The following SYT1 variants were observed in gnomAD, a reference collection of about 807,000 sequenced individuals.
The protein encoded by SYT1 is synaptotagmin-1.
Under a neutral mutation model 44.8 loss-of-function variants are expected in SYT1, and 8 were observed. That is an observed-to-expected ratio of 0.18 (90% CI 0.10 to 0.32). The LOEUF (loss-of-function observed/expected upper bound fraction) is 0.32. Ranked by LOEUF, SYT1 falls within the 10% of genes least tolerant of loss-of-function variation. The probability of loss-of-function intolerance (pLI) is 1.00; values close to 1 mark genes in which losing one functional copy is unlikely to be tolerated. For missense variants in SYT1, 286 were observed against 509.3 expected (o/e 0.56, Z 4.22); for synonymous variants, 154 against 188.8 (o/e 0.82, Z 1.51).
chr12:79,364,736 C>A (rs980111112), intron 9 of SYT1, among the ~76,000 whole-genome samples: 1 of 152,118 alleles, frequency 6.6e-6, no homozygotes, highest in African/African-American at 2.4e-5. Flanking sequence ...TTTCAGTCAA[C>A]AATATGACAG....
At position 79,014,774 on chromosome 12, in the gene SYT1, C is replaced by A. The variant is rs889253847; in HGVS notation, c.-83-32523C>A. ...GACACATGCACACGTATGTTTATTGCGGCACTATTCACAATAGCAAAGACT... is the reference window on the plus strand; with the variant it reads ...GACACATGCACACGTATGTTTATTGAGGCACTATTCACAATAGCAAAGACT... On this transcript the variant is annotated intron_variant, in intron 2 of 10. Transcript: ENST00000261205. Among the ~76,000 whole-genome samples the A allele has an allele frequency of 5.9e-5, 9 of 151,862 alleles. No homozygotes were observed. In the East Asian group the frequency reaches 9.6e-4, roughly 16 times the overall value.
intron 1 of SYT1, among the ~76,000 whole-genome samples, chr12:78,934,104 A>G (rs956374217): frequency 1.1e-4 from 16 of 151,804 alleles, no homozygotes; most frequent in Admixed American, 2.6e-4. Flanking sequence ...ACATATATAT[A>G]TGTGTGTATA....
chr12:78,980,786 C>T (rs903879260), intron 2 of SYT1, among the ~76,000 whole-genome samples: 4 of 151,940 alleles, frequency 2.6e-5, no homozygotes, highest in African/African-American at 9.7e-5. Flanking sequence ...TATATATTTA[C>T]TTTGAATATA....
At chr12:79,194,975 C>T (rs985947245) in intron 3 of SYT1, among the ~76,000 whole-genome samples, 1 of 152,114 alleles carries the variant, frequency 6.6e-6, no homozygotes, top group Admixed American at 6.6e-5. Flanking sequence ...AGCTATTTTG[C>T]TAAACTTTAA....
intron 9 of SYT1, among the ~76,000 whole-genome samples, chr12:79,433,992 C>T (rs1869944497): frequency 6.6e-6 from 1 of 152,182 alleles, no homozygotes; most frequent in South Asian, 2.1e-4. Context: ...AGTCAAGAAG[C>T]TGGCAGTCAC....
At chr12:79,249,534 A>G (rs996098898) in intron 4 of SYT1, among the ~76,000 whole-genome samples, 7 of 152,150 alleles carry the variant, frequency 4.6e-5, no homozygotes, top group Non-Finnish European at 7.4e-5. Flanking sequence ...TAGCAGCCCA[A>G]TCAGGTAGTT....
chr12:79,002,125 A>T (rs1870778346), intron 2 of SYT1, among the ~76,000 whole-genome samples: 1 of 152,112 alleles, frequency 6.6e-6, no homozygotes, highest in Admixed American at 6.6e-5. Context: ...ATAAAAATAT[A>T]ATGTTTGTTT....
intron 4 of SYT1, among the ~76,000 whole-genome samples, chr12:79,228,801 A>C (rs1230309644): frequency 6.6e-6 from 1 of 152,058 alleles, no homozygotes; most frequent in Non-Finnish European, 1.5e-5. Context: ...ACTTCACTAC[A>C]CCACTGTCTC....
intron 4 of SYT1, among the ~76,000 whole-genome samples, chr12:79,221,204 T>C (rs1370336208): frequency 6.6e-6 from 1 of 152,180 alleles, no homozygotes; most frequent in Non-Finnish European, 1.5e-5. Context: ...TTGCAACTTT[T>C]GCTTTTATTT....
chr12:78,896,301 A>C (rs1875352778), intron 1 of SYT1, among the ~76,000 whole-genome samples: 1 of 151,806 alleles, frequency 6.6e-6, no homozygotes, highest in Non-Finnish European at 1.5e-5. Flanking sequence ...TCACAAGAAA[A>C]ACACACTGAA....
intron 2 of SYT1, among the ~76,000 whole-genome samples, chr12:79,010,238 A>AT (rs1396611622): frequency 1.3e-5 from 2 of 152,076 alleles, no homozygotes; most frequent in South Asian, 2.1e-4. Flanking sequence ...AAATTGAATG[A>AT]TTTTTTTTCC....
At chr12:79,100,117 C>T (rs898161250) in intron 3 of SYT1, among the ~76,000 whole-genome samples, 7 of 151,922 alleles carry the variant, frequency 4.6e-5, no homozygotes, top group African/African-American at 1.2e-4. Context: ...ATAATAATAA[C>T]GAACATTTGG....
At chr12:79,414,833 GT>G (rs1469722035) in intron 9 of SYT1, among the ~76,000 whole-genome samples, 2 of 152,148 alleles carry the variant, frequency 1.3e-5, no homozygotes, top group Admixed American at 6.5e-5. Flanking sequence ...GATACTTGCT[GT>G]CCCTGCCAGA....
chr12:79,258,739 G>A (rs367930606), intron 4 of SYT1, among the ~76,000 whole-genome samples: 10 of 152,190 alleles, frequency 6.6e-5, no homozygotes, highest in East Asian at 5.8e-4. Flanking sequence ...AGAAAAGGAT[G>A]CAATCAAAGG....
At chr12:78,916,541 T>C (rs1361158219) in intron 1 of SYT1, among the ~76,000 whole-genome samples, 1 of 152,012 alleles carries the variant, frequency 6.6e-6, no homozygotes, top group Non-Finnish European at 1.5e-5. Context: ...TAAATAAATT[T>C]AGTTATTACT....
intron 9 of SYT1, among the ~76,000 whole-genome samples, chr12:79,426,142 T>C (rs368389981): frequency 5.3e-5 from 8 of 152,136 alleles, no homozygotes; most frequent in Admixed American, 3.9e-4. Flanking sequence ...CCAGAATAGT[T>C]CCAGACAAGA....
At chr12:79,223,586 C>T (rs1444828371) in intron 4 of SYT1, among the ~76,000 whole-genome samples, 1 of 152,140 alleles carries the variant, frequency 6.6e-6, no homozygotes, top group Non-Finnish European at 1.5e-5. Context: ...GTGCCAGAAG[C>T]CTGAGGTCCA....
intron 4 of SYT1, among the ~76,000 whole-genome samples, chr12:79,233,963 T>G (rs1321416238): frequency 6.6e-6 from 1 of 152,168 alleles, no homozygotes; most frequent in South Asian, 2.1e-4. Context: ...ATTTGGCCAT[T>G]CCCTTAGGCA....
chr12:79,320,742 C>A (rs957835402), intron 8 of SYT1, among the ~76,000 whole-genome samples: 3 of 150,554 alleles, frequency 2.0e-5, no homozygotes, highest in African/African-American at 7.4e-5. Flanking sequence ...CCTGCCTCAG[C>A]CTCCCAAGTA....
Sources: allele counts gnomAD v4.1 joint callset (sites outside exome capture counted in the v4.1 genomes callset), GRCh38; gene constraint gnomAD v4.1.1; transcripts MANE v1.5; gene names NCBI Gene and HGNC (gene_info 2026-07-23, HGNC 2026-07-21).